The following EDA variants were observed in gnomAD, a reference collection of about 807,000 sequenced individuals.
EDA encodes the protein ectodysplasin A.
Under a neutral mutation model 23.6 loss-of-function variants are expected in EDA, and 2 were observed. The observed-to-expected ratio is 0.08, with a 90% CI of 0.03 to 0.27. The LOEUF is 0.27. Among genes scored for constraint, EDA ranks in the 10% least tolerant of loss-of-function variants. The pLI is 1.00. For synonymous variants in EDA, 131 were observed against 132.0 expected, an observed-to-expected ratio of 0.99 and a Z score of 0.05; for missense variants, 229 against 324.2, an observed-to-expected ratio of 0.71 and a Z score of 2.26.
chrX:69,978,318 TAA>T (rs144187734), intron 2 of EDA, among the ~76,000 whole-genome samples: 2 of 20,423 alleles, frequency 9.8e-5, no homozygotes, highest in Non-Finnish European at 2.9e-4. Context: ...ACTCCATCTC[TAA>T]AAAAAAAAAA....
chrX:69,861,783 T>A (rs2017391091), intron 1 of EDA, among the ~76,000 whole-genome samples: 1 of 111,926 alleles, frequency 8.9e-6, no homozygotes, highest in African/African-American at 3.2e-5. Context: ...TACTTAAACA[T>A]GGTAAATTAA....
chrX:69,894,390 C>T (rs773472924), intron 1 of EDA, among the ~76,000 whole-genome samples: 5 of 111,597 alleles, frequency 4.5e-5, no homozygotes, highest in Non-Finnish European at 9.4e-5. Flanking sequence ...GCTATTCGAG[C>T]TCCTTTTTGG....
intron 1 of EDA, among the ~76,000 whole-genome samples, chrX:69,780,543 G>T (rs985548395): frequency 9.0e-6 from 1 of 111,161 alleles, no homozygotes; most frequent in Non-Finnish European, 1.9e-5. Flanking sequence ...CTGGTGATTT[G>T]GTTTGGCTCT....
intron 1 of EDA, among the ~76,000 whole-genome samples, chrX:69,914,490 T>G (rs2147657848): frequency 8.9e-6 from 1 of 111,915 alleles, no homozygotes; most frequent in East Asian, 2.8e-4. Context: ...ATTTTATTTT[T>G]AATTGACATG....
intron 1 of EDA, among the ~76,000 whole-genome samples, chrX:69,893,197 C>T (rs1443309750): frequency 1.8e-5 from 2 of 111,032 alleles, no homozygotes; most frequent in Non-Finnish European, 3.8e-5. Context: ...ATCTTCATAT[C>T]ACTTTCTCAT....
At chrX:69,632,742 C>T (rs377534962) in intron 1 of EDA, among the ~76,000 whole-genome samples, 1 of 111,986 alleles carries the variant, frequency 8.9e-6, no homozygotes, top group African/African-American at 3.2e-5. Context: ...ATGGATTTTA[C>T]TCCATTTGCC....
In EDA at chrX:69,735,900, G is replaced by A. The variant is rs923169395; in HGVS notation, c.396+119196G>A. On this transcript the variant is annotated intron_variant, in intron 1 of 7. Coordinates refer to ENST00000374552, the MANE Select transcript of EDA (RefSeq NM_001399.5). ...TTTGCTCACAGGGACCACTTTTCTT[G>A]TTTATTCTTGCTAGTAATACAGGGT... Among the ~76,000 whole-genome samples the A allele has an allele frequency of 4.5e-5, 5 of 110,777 alleles. 1 individual carries two copies. Among genetic ancestry groups the A allele is most frequent in the Non-Finnish European group, 5.7e-5 (3 of 53,001 alleles).
Position 69,719,715 on chromosome X carries a change from T to TACAC in EDA, c.396+103036_396+103039dup, listed in dbSNP as rs35200750. ...TTTATGGCTGAGGAGTATTCCGTTA[T>TACAC]ACACACACACACACACACACACACA... On this transcript the variant is annotated intron_variant, in intron 1 of 7. Coordinates refer to ENST00000374552, the MANE Select transcript of EDA (RefSeq NM_001399.5). Among the ~76,000 whole-genome samples, 132 of 102,669 alleles carry TACAC rather than the reference T, an allele frequency of 1.3e-3. 1 individual carries two copies. Among genetic ancestry groups the TACAC allele is most frequent in the African/African-American group, 2.1e-3 (59 of 28,337 alleles). The allele number at this position is 102,669 out of a possible 115,157, so 89.2% of individuals were successfully genotyped here.
At position 69,800,476 on chromosome X, in the gene EDA, TA is replaced by T. The variant is rs1230111691; in HGVS notation, c.397-156547del. On this transcript the variant is annotated intron_variant, in intron 1 of 7. Coordinates refer to ENST00000374552, the MANE Select transcript of EDA (RefSeq NM_001399.5). ...TGATCTTTACACACTATGCATGTAATAAAATTTCATGTGTACCTTATAAATA... is the reference window on the plus strand; with the variant it reads ...TGATCTTTACACACTATGCATGTAATAAATTTCATGTGTACCTTATAAATA... Among the ~76,000 whole-genome samples, 3 of 111,412 alleles carry T rather than the reference TA, an allele frequency of 2.7e-5. No homozygotes were observed. The East Asian group carries it at 8.4e-4, about 31-fold the overall frequency.
At chrX:70,017,320 A>T (rs1380063085) in intron 2 of EDA, among the ~76,000 whole-genome samples, 1 of 112,261 alleles carries the variant, frequency 8.9e-6, no homozygotes, top group Admixed American at 9.4e-5. Context: ...AACCTATTCC[A>T]AAAAGTTGAG....
At chrX:69,805,154 TTATGTTCTG>T in intron 1 of EDA, among the ~76,000 whole-genome samples, 1 of 111,480 alleles carries the variant, frequency 9.0e-6, no homozygotes, top group Non-Finnish European at 1.9e-5. Context: ...TTAATGTCAA[TTATGTTCTG>T]TATCAAATAG....
intron 1 of EDA, among the ~76,000 whole-genome samples, chrX:69,797,862 A>T (rs2015579687): frequency 8.9e-6 from 1 of 112,269 alleles, no homozygotes; most frequent in East Asian, 2.8e-4. Flanking sequence ...CACATAAAAG[A>T]TATAGACTGG....
At chrX:70,033,725 G>C (rs2020230654) in intron 7 of EDA, among the ~76,000 whole-genome samples, 197 bp downstream of exon 7, 1 of 110,590 alleles carries the variant, frequency 9.0e-6, no homozygotes, top group Non-Finnish European at 1.9e-5. Context: ...GTTTTGTTTT[G>C]TTTTGTTTTT....
chrX:69,850,958 A>G (rs1040941234), intron 1 of EDA, among the ~76,000 whole-genome samples: 1 of 111,940 alleles, frequency 8.9e-6, no homozygotes, highest in African/African-American at 3.2e-5. Context: ...TTGTGCCTCC[A>G]CTGCTTCCTA....
At position 69,616,147 on chromosome X, in the gene EDA, C is replaced by G. The variant is rs1931914493; in HGVS notation, c.-162C>G. ...ACCCCTCGGAGTAGAGCTGCACATGCGGCTGCTCCCTGCTCCGTCCCGCCC... is the reference window on the plus strand; with the variant it reads ...ACCCCTCGGAGTAGAGCTGCACATGGGGCTGCTCCCTGCTCCGTCCCGCCC... On this transcript the variant is annotated 5_prime_UTR_variant, in exon 1 of 8. Transcript: ENST00000374552. The G allele has an allele frequency of 1.6e-5, 8 of 513,443 alleles. No homozygotes were observed. In the Admixed American group the frequency reaches 2.2e-4, roughly 14 times the overall value. The allele number at this position is 513,443 out of a possible 1,213,427, so 42.3% of individuals were successfully genotyped here. A position where few individuals can be genotyped will look rare whatever the true frequency, so the allele number is the denominator to read the frequency against.
chrX:69,933,286 A>G (rs1171117681), intron 1 of EDA, among the ~76,000 whole-genome samples: 2 of 112,348 alleles, frequency 1.8e-5, no homozygotes, highest in Non-Finnish European at 3.8e-5. Context: ...TGTTGATAGT[A>G]TTACATTTCT....
intron 1 of EDA, among the ~76,000 whole-genome samples, chrX:69,805,245 G>T (rs903175869): frequency 9.0e-6 from 1 of 111,402 alleles, no homozygotes; most frequent in Non-Finnish European, 1.9e-5. Context: ...TGCCTCTGGA[G>T]GGGCCAGAGT....
chrX:69,669,291 G>A (rs1365692471), intron 1 of EDA, among the ~76,000 whole-genome samples: 1 of 110,084 alleles, frequency 9.1e-6, no homozygotes, highest in Admixed American at 9.7e-5. Context: ...TTATTAATAG[G>A]TAAAGACTTA....
chrX:69,621,806 T>C (rs935521429), intron 1 of EDA, among the ~76,000 whole-genome samples: 1 of 111,623 alleles, frequency 9.0e-6, no homozygotes, highest in Non-Finnish European at 1.9e-5. Context: ...AGTGGCATGA[T>C]CACAGCTCAC....
Sources: gnomAD v4.1 joint callset for allele counts (sites outside exome capture counted in the v4.1 genomes callset) on GRCh38, gnomAD v4.1.1 for gene constraint, MANE v1.5 for transcripts, NCBI Gene and HGNC (gene_info 2026-07-23, HGNC 2026-07-21) for gene names.